SLC12A6: variants seen among roughly 807,000 people sequenced by gnomAD.
SLC12A6 encodes solute carrier family 12 member 6.
A neutral mutation model predicts 135.3 loss-of-function variants in SLC12A6; 66 were observed. The observed-to-expected ratio is 0.49, with a 90% confidence interval of 0.40 to 0.60. The LOEUF (loss-of-function observed/expected upper bound fraction) is 0.60, where lower values mean the gene tolerates loss of function less well. Among genes scored for constraint, SLC12A6 ranks in the 20% least tolerant of loss-of-function variants. The probability of loss-of-function intolerance (pLI) is 0.00; values close to 1 mark genes in which losing one functional copy is unlikely to be tolerated. For missense variants in SLC12A6, 1,058 were observed against 1,452.3 expected (o/e 0.73, Z 4.41); for synonymous variants, 513 against 508.8 (o/e 1.01, Z -0.11).
At chr15:34,288,775 GCTCT>G (rs914445629) in intron 2 of SLC12A6, among the ~76,000 whole-genome samples, 1 of 152,144 alleles carries the variant, frequency 6.6e-6, no homozygotes, top group Non-Finnish European at 1.5e-5. Context: ...TCATGATTTG[GCTCT>G]CTGTTTGTCT....
At position 34,250,380 on chromosome 15, in the gene SLC12A6, CTG is replaced by C. The variant is rs759256684; in HGVS notation, c.1592-27_1592-26del. The C allele has an allele frequency of 2.2e-5, 33 of 1,473,874 alleles. No homozygotes were observed. The African/African-American group carries it at 3.6e-4, about 16-fold the overall frequency. The allele number at this position is 1,473,874 out of a possible 1,614,324, so 91.3% of individuals were successfully genotyped here. ...TCTACCATATTGAGAGTCAAGGAAA[CTG>C]TTGTTTACCCTCTAACATGAGATAG... On this transcript the variant is annotated intron_variant, in intron 12 of 25. Transcript: ENST00000354181.
In SLC12A6 at chr15:34,231,994, A is replaced by T. The variant is rs190767469; in HGVS notation, c.*1887T>A. The T allele has an allele frequency of 6.6e-6, 1 of 152,364 alleles. No homozygotes were observed. The highest frequency in any genetic ancestry group is 1.9e-4 in the East Asian group (1 of 5,194). The allele number at this position is 152,364 out of a possible 1,614,324, so 9.4% of individuals were successfully genotyped here. On this transcript the variant is annotated 3_prime_UTR_variant, in exon 26 of 26. Coordinates refer to ENST00000354181, the MANE Select transcript of SLC12A6 (RefSeq NM_001365088.1). ...GGTCAGCTTGCTCCATGTCCTATTT[A>T]GTAATCAAAGAAGAGTGGCACTATT...
At chr15:34,253,783 G>C (rs1339409124) in intron 9 of SLC12A6, among the ~76,000 whole-genome samples, 1 of 152,250 alleles carries the variant, frequency 6.6e-6, no homozygotes, top group Non-Finnish European at 1.5e-5. Flanking sequence ...AAGTGAGCCT[G>C]TGAGTCACAG....
Position 34,240,683 on chromosome 15 carries a change from C to T in SLC12A6, c.2414G>A (p.Gly805Asp), listed in dbSNP as rs1480834079. The T allele has an allele frequency of 6.2e-7, 1 of 1,614,022 alleles. No individual in the cohort carries two copies. The highest frequency in any genetic ancestry group is 1.7e-5 in the Admixed American group (1 of 60,020). Reference protein sequence around the residue: ...VIVGNFLENYGEALAAEQTIK... With the variant: ...VIVGNFLENYDEALAAEQTIK... ...TACCTGCTCAGCAGCTAAAGCTTCA[C>T]CGTAGTTCTCTAGGAAGTTCCCCAC... Residue 805 changes from glycine to aspartate, a missense_variant, in exon 19 of 26, where the codon GGT (glycine) becomes GAT (aspartate). Physicochemically the swap from Gly to Asp is moderately conservative, Grantham distance 94. Transcript: ENST00000354181.
intron 2 of SLC12A6, among the ~76,000 whole-genome samples, chr15:34,322,297 C>T (rs923349314): frequency 3.9e-5 from 6 of 152,062 alleles, no homozygotes; most frequent in Admixed American, 6.6e-5. Flanking sequence ...AGGAGAATCA[C>T]TTGAACCCGG....
At chr15:34,274,358 A>C (rs1894155120) in intron 3 of SLC12A6, among the ~76,000 whole-genome samples, 1 of 152,256 alleles carries the variant, frequency 6.6e-6, no homozygotes, top group African/African-American at 2.4e-5. Flanking sequence ...AAGAATTCCC[A>C]AGAAACTGTC....
At chr15:34,332,924 G>GA (rs1365124173) in intron 2 of SLC12A6, among the ~76,000 whole-genome samples, 5 of 152,132 alleles carry the variant, frequency 3.3e-5, no homozygotes, top group African/African-American at 1.2e-4. Context: ...AAGAGCACTA[G>GA]ATAAAAGTCA....
chr15:34,295,535 T>A (rs1489780241), intron 2 of SLC12A6, among the ~76,000 whole-genome samples: 2 of 152,210 alleles, frequency 1.3e-5, no homozygotes, highest in Admixed American at 6.5e-5. Context: ...TCTAAACATT[T>A]TGTAGTACAA....
intron 1 of SLC12A6, 180 bp from the exon 2 acceptor site, chr15:34,336,932 A>C: frequency 3.8e-6 from 2 of 533,224 alleles, no homozygotes; most frequent in Non-Finnish European, 6.7e-6. Context: ...AAAAAGACAA[A>C]ACAATGCCAA....
rs1289492291 is a variant in SLC12A6 at position 34,275,350 on chromosome 15, A to C, written c.311T>G (p.Leu104Arg). 6.6e-7 allele frequency: 1 copy of C among 1,512,776 alleles called. No individual in the cohort carries two copies. The allele number at this position is 1,512,776 out of a possible 1,614,324, so 93.7% of individuals were successfully genotyped here. A position where few individuals can be genotyped will look rare whatever the true frequency, so the allele number is the denominator to read the frequency against. Residue 104 changes from leucine (L) to arginine (R), a missense_variant, in exon 3 of 26, where the codon CTG becomes CGG. By Grantham distance (102) the Leu-to-Arg change is moderately radical. Coordinates refer to ENST00000354181, the MANE Select transcript of SLC12A6 (RefSeq NM_001365088.1). Reference protein sequence around the residue: ...QNSITGEHSQLLDDGHKKARN... With the variant: ...QNSITGEHSQRLDDGHKKARN... ...TCCCCACAGTAATACTATACCTAAC[A>C]GTTGGCTGTGTTCCCCTGTGATGGA...
chr15:34,308,556 C>T (rs142285507), intron 2 of SLC12A6, among the ~76,000 whole-genome samples: 1 of 136,828 alleles, frequency 7.3e-6, no homozygotes, highest in African/African-American at 2.8e-5. Flanking sequence ...ACCTGGGAGG[C>T]GGAGGTTGCA....
At position 34,233,851 on chromosome 15, in the gene SLC12A6, A is replaced by C. The variant is rs759376614; in HGVS notation, c.*30T>G. 1.6e-6 allele frequency: 2 copies of C among 1,253,568 alleles called. No individual in the cohort carries two copies. The highest frequency in any genetic ancestry group is 2.4e-6 in the Non-Finnish European group (2 of 850,332). 77.7% of individuals were successfully genotyped at this position (1,253,568 alleles called of 1,614,324 possible). A position where few individuals can be genotyped will look rare whatever the true frequency, so the allele number is the denominator to read the frequency against. On this transcript the variant is annotated 3_prime_UTR_variant, in exon 26 of 26. Transcript: ENST00000354181. ...ATGGAGGACGTAGGCCTTTTAAGAA[A>C]ACAGGTCAAGCACGGTCATTCAGAG...
chr15:34,236,042 C>T lies in SLC12A6; in HGVS notation c.3200G>A (p.Gly1067Glu). The T allele has an allele frequency of 6.2e-7, 1 of 1,614,068 alleles. No homozygotes were observed. The highest frequency in any genetic ancestry group is 8.5e-7 in the Non-Finnish European group (1 of 1,179,934). ...SRGQKAKSMEGFQDLLNMRPD... is the reference protein window; with the variant it reads ...SRGQKAKSMEEFQDLLNMRPD... ...ACGCATGTTAAGCAGGTCCTGGAAT[C>T]CTTCCATTGACTTCGCTTTTTGTCC... Residue 1067 changes from glycine to glutamate, a missense_variant, in exon 24 of 26, where the codon GGA becomes GAA. Around this residue, in one of 6 missense-constraint regions of SLC12A6, gnomAD observed 245 missense variants for 440.8 expected, o/e 0.56. Coordinates refer to ENST00000354181, the MANE Select transcript of SLC12A6 (RefSeq NM_001365088.1).
chr15:34,246,456 T>C (rs987758364), intron 13 of SLC12A6, among the ~76,000 whole-genome samples: 1 of 152,218 alleles, frequency 6.6e-6, no homozygotes, highest in Non-Finnish European at 1.5e-5. Flanking sequence ...ACTATAATTC[T>C]GTATTCTTGA....
At chr15:34,326,842 C>T (rs930624225) in intron 2 of SLC12A6, among the ~76,000 whole-genome samples, 6 of 147,428 alleles carry the variant, frequency 4.1e-5, no homozygotes, top group Non-Finnish European at 8.9e-5. Flanking sequence ...CAGGTGCACA[C>T]CACCACAACT....
rs759376614 is a variant in SLC12A6 at position 34,233,851 on chromosome 15, A to T, written c.*30T>A. The T allele has an allele frequency of 4.8e-6, 6 of 1,253,568 alleles. No individual in the cohort carries two copies. Among genetic ancestry groups the T allele is most frequent in the Admixed American group, 3.4e-5 (2 of 59,580 alleles). The allele number at this position is 1,253,568 out of a possible 1,614,324, so 77.7% of individuals were successfully genotyped here. A position where few individuals can be genotyped will look rare whatever the true frequency, so the allele number is the denominator to read the frequency against. ...ATGGAGGACGTAGGCCTTTTAAGAAAACAGGTCAAGCACGGTCATTCAGAG... is the reference window on the plus strand; with the variant it reads ...ATGGAGGACGTAGGCCTTTTAAGAATACAGGTCAAGCACGGTCATTCAGAG... On this transcript the variant is annotated 3_prime_UTR_variant, in exon 26 of 26. Transcript: ENST00000354181.
At chr15:34,332,127 C>T (rs779157799) in intron 2 of SLC12A6, among the ~76,000 whole-genome samples, 5 of 152,174 alleles carry the variant, frequency 3.3e-5, no homozygotes, top group South Asian at 2.1e-4. Flanking sequence ...TTTCCTTTGC[C>T]GTATTTTTGC....
intron 2 of SLC12A6, among the ~76,000 whole-genome samples, chr15:34,301,992 G>A (rs2141018803): frequency 6.6e-6 from 1 of 152,338 alleles, no homozygotes; most frequent in South Asian, 2.1e-4. Context: ...TGCAAATGAG[G>A]TAAACTGTGT....
At chr15:34,253,297 C>T (rs1892520784) in intron 9 of SLC12A6, among the ~76,000 whole-genome samples, 1 of 152,086 alleles carries the variant, frequency 6.6e-6, no homozygotes, top group Non-Finnish European at 1.5e-5. Context: ...AAAGAAAATA[C>T]CATGCATTAT....
Sources: gnomAD v4.1 joint callset for allele counts (sites outside exome capture counted in the v4.1 genomes callset) on GRCh38, gnomAD v4.1.1 for gene constraint, gnomAD v4.1.1 regional missense constraint, MANE v1.5 for transcripts, NCBI Gene and HGNC (gene_info 2026-07-23, HGNC 2026-07-21) for gene names.